Variants in TNNI3K observed in about 807,000 individuals in gnomAD.
The protein encoded by TNNI3K is serine/threonine-protein kinase TNNI3K.
In TNNI3K, 140 loss-of-function variants were observed where a neutral mutation model predicts 114.5. The observed-to-expected ratio is 1.22, with a 90% CI of 1.07 to 1.41. TNNI3K has a LOEUF of 1.41. Among genes scored for constraint, TNNI3K ranks in the 40% most tolerant of loss-of-function variants. TNNI3K has a pLI of 0.00. For missense variants in TNNI3K, 1,125 were observed against 1,007.6 expected, an observed-to-expected ratio of 1.12 and a Z score of -1.58; for synonymous variants, 347 against 347.5, an observed-to-expected ratio of 1.00 and a Z score of 0.02.
intron 5 of TNNI3K, among the ~76,000 whole-genome samples, chr1:74,299,281 T>G (rs1206806371): frequency 6.6e-6 from 1 of 152,146 alleles, no homozygotes; most frequent in African/African-American, 2.4e-5. Flanking sequence ...GACAGAACAT[T>G]GAAGTTTATT....
At chr1:74,427,471 C>T (rs1665692527) in intron 17 of TNNI3K, among the ~76,000 whole-genome samples, 1 of 151,946 alleles carries the variant, frequency 6.6e-6, no homozygotes, top group Non-Finnish European at 1.5e-5. Context: ...CTGTGACCAC[C>T]AAATCCAAGT....
intron 21 of TNNI3K, among the ~76,000 whole-genome samples, chr1:74,486,902 A>G (rs562234229): frequency 2.0e-5 from 3 of 152,292 alleles, no homozygotes; most frequent in African/African-American, 7.2e-5. Context: ...ATGCCAAGTG[A>G]AATGACCACT....
chr1:74,255,947 C>A (rs1157912278), intron 4 of TNNI3K, among the ~76,000 whole-genome samples: 1 of 152,106 alleles, frequency 6.6e-6, no homozygotes, highest in Non-Finnish European at 1.5e-5. Context: ...GTTGTATATT[C>A]TGTAATTAAT....
chr1:74,432,980 T>C (rs989686024), intron 17 of TNNI3K, among the ~76,000 whole-genome samples: 2 of 152,006 alleles, frequency 1.3e-5, no homozygotes, highest in South Asian at 2.1e-4. Context: ...ACCATCTCCA[T>C]AGTGGCTCCA....
chr1:74,376,240 C>T (rs1033424111), intron 17 of TNNI3K, among the ~76,000 whole-genome samples: 4 of 151,788 alleles, frequency 2.6e-5, no homozygotes, highest in South Asian at 2.1e-4. Context: ...GCATTTGCCT[C>T]TCAGTTGAAT....
intron 17 of TNNI3K, chr1:74,375,987 A>T (rs912019916): frequency 1.9e-5 from 3 of 156,544 alleles, no homozygotes; most frequent in African/African-American, 7.2e-5. Flanking sequence ...TCTGAGAAGG[A>T]CTCACCGTTT....
intron 17 of TNNI3K, among the ~76,000 whole-genome samples, chr1:74,382,069 AAAC>A (rs1663230601): frequency 6.6e-6 from 1 of 152,218 alleles, no homozygotes; most frequent in Admixed American, 6.5e-5. Context: ...TTCCGACCAT[AAAC>A]AACCAGGGAG....
intron 5 of TNNI3K, among the ~76,000 whole-genome samples, chr1:74,296,004 C>T (rs1443277043): frequency 6.6e-6 from 1 of 152,080 alleles, no homozygotes; most frequent in African/African-American, 2.4e-5. Flanking sequence ...GGCCGGGCGC[C>T]ATGGCTCATT....
intron 2 of TNNI3K, among the ~76,000 whole-genome samples, chr1:74,248,196 C>T (rs1257143226): frequency 1.3e-4 from 20 of 152,246 alleles, no homozygotes; most frequent in East Asian, 7.7e-4. Context: ...CAGCCTGCGG[C>T]GCAGAGTGTA....
chr1:74,376,374 C>A (rs1662906012), intron 17 of TNNI3K, among the ~76,000 whole-genome samples: 2 of 151,944 alleles, frequency 1.3e-5, no homozygotes, highest in Admixed American at 6.6e-5. Flanking sequence ...CCAGCTATTT[C>A]TTTAACTTGT....
At chr1:74,252,700 T>G (rs531562339) in intron 4 of TNNI3K, among the ~76,000 whole-genome samples, 7 of 152,254 alleles carry the variant, frequency 4.6e-5, no homozygotes, top group Non-Finnish European at 1.0e-4. Context: ...TTACAGCTCT[T>G]AAGGCGGCAC....
chr1:74,288,450 A>C (rs1657464524), intron 5 of TNNI3K, among the ~76,000 whole-genome samples: 1 of 152,150 alleles, frequency 6.6e-6, no homozygotes, highest in Non-Finnish European at 1.5e-5. Context: ...AAAATGAAGA[A>C]AATTCTCTCA....
chr1:74,524,800 A>C (rs370114940), intron 23 of TNNI3K, among the ~76,000 whole-genome samples: 1 of 151,954 alleles, frequency 6.6e-6, no homozygotes. Context: ...GGGCTGCCTC[A>C]TGAAGGGGGA....
intron 5 of TNNI3K, among the ~76,000 whole-genome samples, chr1:74,314,693 G>A (rs996309087): frequency 2.2e-4 from 34 of 152,044 alleles, no homozygotes; most frequent in Non-Finnish European, 7.4e-5. Context: ...TCTTAATAGA[G>A]AAGTGATCAA....
intron 24 of TNNI3K, among the ~76,000 whole-genome samples, chr1:74,543,102 G>A (rs1398030724): frequency 1.1e-5 from 1 of 92,638 alleles, no homozygotes; most frequent in African/African-American, 4.1e-5. Flanking sequence ...TTGAGATGGA[G>A]TCTTGCTCTG....
chr1:74,401,780 T>C (rs1250358023), intron 17 of TNNI3K: 1 of 436,592 alleles, frequency 2.3e-6, no homozygotes, highest in African/African-American at 2.1e-5. Flanking sequence ...AAAATTGCTA[T>C]GTAATTAATT....
chr1:74,342,778 C>T, intron 7 of TNNI3K, 64 bp from the exon 8 acceptor site: 1 of 1,582,592 alleles, frequency 6.3e-7, no homozygotes, highest in South Asian at 1.1e-5. Context: ...TGATACTATA[C>T]ATATGAAGGT....
chr1:74,263,958 T>C (rs2100877028), intron 4 of TNNI3K, among the ~76,000 whole-genome samples: 1 of 152,126 alleles, frequency 6.6e-6, no homozygotes, highest in South Asian at 2.1e-4. Flanking sequence ...AGATTCTTAT[T>C]ATCCTCTTCC....
chr1:74,429,796 C>G (rs1019096506), intron 17 of TNNI3K, among the ~76,000 whole-genome samples: 5 of 152,068 alleles, frequency 3.3e-5, no homozygotes, highest in African/African-American at 1.2e-4. Flanking sequence ...ACTGATTTAA[C>G]CCTTGGAATG....
Sources: gnomAD v4.1 joint callset for allele counts (sites outside exome capture counted in the v4.1 genomes callset) on GRCh38, gnomAD v4.1.1 for gene constraint, MANE v1.5 for transcripts, NCBI Gene and HGNC (gene_info 2026-07-23, HGNC 2026-07-21) for gene names.